The following AUTS2 variants were observed in gnomAD, a reference collection of about 807,000 sequenced individuals.
The protein encoded by AUTS2 is autism susceptibility gene 2 protein.
Under a neutral mutation model 112.4 loss-of-function variants are expected in AUTS2, and 17 were observed. The observed-to-expected ratio is 0.15, with a 90% CI of 0.10 to 0.23. The LOEUF is 0.23. Ranked by LOEUF, AUTS2 falls within the 10% of genes least tolerant of loss-of-function variation. The pLI is 1.00. For synonymous variants in AUTS2, 751 were observed against 702.7 expected, an observed-to-expected ratio of 1.07 and a Z score of -1.09; for missense variants, 1,510 against 1,701.6, an observed-to-expected ratio of 0.89 and a Z score of 1.98.
At chr7:70,600,741 A>G (rs1044320383) in intron 5 of AUTS2, among the ~76,000 whole-genome samples, 2 of 152,230 alleles carry the variant, frequency 1.3e-5, no homozygotes, top group Admixed American at 6.5e-5. Flanking sequence ...GCTTTCTGTC[A>G]CTGTGAATTT....
At chr7:70,418,350 A>C (rs768951473) in intron 4 of AUTS2, among the ~76,000 whole-genome samples, 3 of 152,122 alleles carry the variant, frequency 2.0e-5, no homozygotes, top group Non-Finnish European at 4.4e-5. Flanking sequence ...TAAATCTCTT[A>C]AATGCATTAA....
chr7:70,491,503 A>G (rs1798236243), intron 5 of AUTS2, among the ~76,000 whole-genome samples: 1 of 148,066 alleles, frequency 6.8e-6, no homozygotes, highest in African/African-American at 2.5e-5. Context: ...CACATAATAT[A>G]TATGTTATAT....
chr7:69,733,817 TTCCTTA>T (rs1786908305), intron 1 of AUTS2, among the ~76,000 whole-genome samples: 1 of 152,160 alleles, frequency 6.6e-6, no homozygotes, highest in Non-Finnish European at 1.5e-5. Flanking sequence ...TAAAACACAC[TTCCTTA>T]TCTTCTTTGA....
At chr7:70,248,221 A>G (rs1813028761) in intron 4 of AUTS2, among the ~76,000 whole-genome samples, 1 of 152,026 alleles carries the variant, frequency 6.6e-6, no homozygotes, top group Non-Finnish European at 1.5e-5. Flanking sequence ...AGATTCTCCC[A>G]CCTCAGCCTT....
chr7:70,612,785 T>A (rs2129534165), intron 5 of AUTS2, among the ~76,000 whole-genome samples: 1 of 149,532 alleles, frequency 6.7e-6, no homozygotes, highest in East Asian at 2.1e-4. Flanking sequence ...TATTTCTTCT[T>A]TTCTACATTT....
At chr7:70,115,352 TTAAA>T (rs1424732278) in intron 2 of AUTS2, among the ~76,000 whole-genome samples, 1 of 152,222 alleles carries the variant, frequency 6.6e-6, no homozygotes, top group Non-Finnish European at 1.5e-5. Context: ...TATTAGTTTT[TTAAA>T]TAGAGACGGG....
At chr7:70,077,344 T>G (rs994313819) in intron 2 of AUTS2, among the ~76,000 whole-genome samples, 4 of 152,188 alleles carry the variant, frequency 2.6e-5, no homozygotes, top group Non-Finnish European at 4.4e-5. Context: ...TCCCAGTAGT[T>G]GGCAAAGTCC....
intron 2 of AUTS2, among the ~76,000 whole-genome samples, chr7:69,919,272 A>G (rs2129542656): frequency 1.3e-5 from 2 of 152,290 alleles, no homozygotes; most frequent in East Asian, 3.9e-4. Flanking sequence ...GCGTGTGGCT[A>G]TTGATATTGA....
intron 4 of AUTS2, among the ~76,000 whole-genome samples, chr7:70,393,647 T>C (rs1218787191): frequency 6.6e-6 from 1 of 152,196 alleles, no homozygotes; most frequent in Non-Finnish European, 1.5e-5. Context: ...CTCTATGTGA[T>C]GTTATTGGGC....
At chr7:70,501,012 T>G (rs761744653) in intron 5 of AUTS2, among the ~76,000 whole-genome samples, 4 of 152,184 alleles carry the variant, frequency 2.6e-5, no homozygotes, top group Non-Finnish European at 5.9e-5. Context: ...CATGAGCCAC[T>G]GTGCCTGGCC....
At chr7:70,067,626 G>A (rs537484454) in intron 2 of AUTS2, among the ~76,000 whole-genome samples, 3 of 152,240 alleles carry the variant, frequency 2.0e-5, no homozygotes, top group South Asian at 4.2e-4. Context: ...TGGGAGCATC[G>A]CTTGAGCAAA....
At chr7:70,472,369 GT>G (rs55672214) in intron 5 of AUTS2, among the ~76,000 whole-genome samples, 56 of 144,278 alleles carry the variant, frequency 3.9e-4, no homozygotes, top group South Asian at 1.1e-3. Context: ...TTGGGGTGGG[GT>G]TTTTTTTTTT....
intron 4 of AUTS2, among the ~76,000 whole-genome samples, chr7:70,227,277 TG>T (rs1196752270): frequency 1.2e-4 from 18 of 151,900 alleles, no homozygotes; most frequent in Non-Finnish European, 4.4e-5. Flanking sequence ...CACTTAGTTT[TG>T]GGCCTACTTT....
chr7:70,606,819 G>A (rs1485615934), intron 5 of AUTS2, among the ~76,000 whole-genome samples: 1 of 149,106 alleles, frequency 6.7e-6, no homozygotes, highest in Non-Finnish European at 1.5e-5. Context: ...TCGAGATTGT[G>A]CCACTGTACT....
At chr7:70,505,176 G>A (rs570406287) in intron 5 of AUTS2, among the ~76,000 whole-genome samples, 43 of 152,294 alleles carry the variant, frequency 2.8e-4, no homozygotes, top group Admixed American at 1.4e-3. Context: ...ATTTCTATGC[G>A]TTCATTAGCC....
intron 2 of AUTS2, among the ~76,000 whole-genome samples, chr7:69,986,397 C>CA (rs1297058256): frequency 6.6e-6 from 1 of 152,218 alleles, no homozygotes; most frequent in African/African-American, 2.4e-5. Flanking sequence ...TCTCTGCAAA[C>CA]AATGTTTTCC....
chr7:70,319,460 G>A (rs1480707873), intron 4 of AUTS2, among the ~76,000 whole-genome samples: 1 of 152,190 alleles, frequency 6.6e-6, no homozygotes, highest in Non-Finnish European at 1.5e-5. Flanking sequence ...CGAAATTGGT[G>A]AGATTTTTAA....
At chr7:70,182,768 G>A (rs1809386233) in intron 4 of AUTS2, among the ~76,000 whole-genome samples, 1 of 150,990 alleles carries the variant, frequency 6.6e-6, no homozygotes, top group African/African-American at 2.4e-5. Context: ...TTTAGTAAGA[G>A]AGACAGATTC....
chr7:70,488,032 A>G (rs1423971976), intron 5 of AUTS2, among the ~76,000 whole-genome samples: 2 of 152,154 alleles, frequency 1.3e-5, no homozygotes, highest in Non-Finnish European at 2.9e-5. Context: ...CTCAGAACGG[A>G]GCCGAGTCCA....
Sources: allele counts gnomAD v4.1 joint callset (sites outside exome capture counted in the v4.1 genomes callset), GRCh38; gene constraint gnomAD v4.1.1; transcripts MANE v1.5; gene names NCBI Gene and HGNC (gene_info 2026-07-23, HGNC 2026-07-21).